Variants in CDKL5 observed in about 807,000 individuals in gnomAD.
The protein encoded by CDKL5 is cyclin dependent kinase like 5, also known as cyclin-dependent kinase-like 5.
CDKL5 carries 8 observed loss-of-function variants against 61.7 expected under a neutral mutation model. The ratio of observed to expected loss-of-function variants is 0.13; its 90% CI spans 0.08 to 0.23. The LOEUF (loss-of-function observed/expected upper bound fraction) is 0.23. Ranked by LOEUF, CDKL5 falls within the 10% of genes least tolerant of loss-of-function variation. The pLI is 1.00. For missense variants in CDKL5, 440 were observed against 734.5 expected (o/e 0.60, Z 4.63); for synonymous variants, 275 against 272.3 (o/e 1.01, Z -0.10).
chrX:18,462,910 G>A (rs1854833975), intron 1 of CDKL5, among the ~76,000 whole-genome samples: 2 of 110,799 alleles, frequency 1.8e-5, no homozygotes, highest in South Asian at 7.7e-4. Flanking sequence ...TGTAATCCCA[G>A]CTACTCAGGA....
intron 13 of CDKL5, among the ~76,000 whole-genome samples, chrX:18,609,222 A>G (rs1926461553): frequency 9.0e-6 from 1 of 110,702 alleles, no homozygotes. Context: ...GCAAGACCCC[A>G]TCTCTACAAA....
intron 3 of CDKL5, among the ~76,000 whole-genome samples, chrX:18,529,564 A>C (rs1324670831): frequency 9.0e-6 from 1 of 111,176 alleles, no homozygotes; most frequent in African/African-American, 3.3e-5. Context: ...ACTGGTGACA[A>C]ATTCACTCAG....
chrX:18,504,659 C>T (rs900672629), intron 1 of CDKL5, among the ~76,000 whole-genome samples: 4 of 111,435 alleles, frequency 3.6e-5, no homozygotes, highest in African/African-American at 6.5e-5. Flanking sequence ...TGGCCGGGCG[C>T]GGTGGCTCAC....
rs1034663487 is a variant in CDKL5, at chrX:18,639,642, T to C, written c.*10885T>C. 8.9e-6 allele frequency among the ~76,000 whole-genome samples: 1 copy of C among 112,287 alleles called. No individual in the cohort carries two copies. The highest frequency in any genetic ancestry group is 3.2e-5 in the African/African-American group (1 of 30,858). Reference sequence around the variant, plus strand: ...CTGTGTGTCCCAGCAGTTTTACTCCTAAGTATATACCCAAGATAAATGAAA... The same window carrying C: ...CTGTGTGTCCCAGCAGTTTTACTCCCAAGTATATACCCAAGATAAATGAAA... On this transcript the variant is annotated 3_prime_UTR_variant, in exon 18 of 18. Transcript: ENST00000623535.
rs1216853693 is a variant in CDKL5, at chrX:18,613,132, C to T, written c.2153-20C>T. On this transcript the variant is annotated intron_variant, in intron 14 of 17. Transcript: ENST00000623535. ...AAAAAAAAGAAAAGTCCATCAGTGA[C>T]TTACTTTTTCTTTATTCAGTGCCAT... The T allele has an allele frequency of 2.3e-6, 2 of 854,181 alleles. No individual in the cohort carries two copies. Among genetic ancestry groups the T allele is most frequent in the Non-Finnish European group, 3.3e-6 (2 of 603,908 alleles). The allele number at this position is 854,181 out of a possible 1,213,427, so 70.4% of individuals were successfully genotyped here. A position where few individuals can be genotyped will look rare whatever the true frequency, so the allele number is the denominator to read the frequency against.
At chrX:18,557,407 G>T (rs1602259559) in intron 3 of CDKL5, among the ~76,000 whole-genome samples, 1 of 111,906 alleles carries the variant, frequency 8.9e-6, no homozygotes, top group East Asian at 2.8e-4. Flanking sequence ...TTATGTCAGG[G>T]ATGAGCATCC....
chrX:18,547,809 A>G (rs1294793293), intron 3 of CDKL5, among the ~76,000 whole-genome samples: 1 of 112,231 alleles, frequency 8.9e-6, no homozygotes, highest in Admixed American at 9.5e-5. Flanking sequence ...ATGTAAGACA[A>G]ACTAGACACA....
chrX:18,553,916 T>A (rs1924496827), intron 3 of CDKL5, among the ~76,000 whole-genome samples: 1 of 111,495 alleles, frequency 9.0e-6, no homozygotes, highest in Non-Finnish European at 1.9e-5. Context: ...TAATGCTTTC[T>A]AAATTATAAG....
chrX:18,562,793 G>C (rs1166533640), intron 3 of CDKL5, among the ~76,000 whole-genome samples: 1 of 111,617 alleles, frequency 9.0e-6, no homozygotes, highest in Non-Finnish European at 1.9e-5. Flanking sequence ...GAGTTTTGAG[G>C]AGAGAGGATT....
At chrX:18,561,573 A>T (rs1017078523) in intron 3 of CDKL5, among the ~76,000 whole-genome samples, 1 of 111,455 alleles carries the variant, frequency 9.0e-6, no homozygotes, top group African/African-American at 3.2e-5. Flanking sequence ...TTAATTTAAA[A>T]CAGTTTAAGG....
At chrX:18,598,179 T>A (rs919474633) in intron 10 of CDKL5, among the ~76,000 whole-genome samples, 10 of 111,395 alleles carry the variant, frequency 9.0e-5, no homozygotes, top group Non-Finnish European at 1.3e-4. Flanking sequence ...AAAGTGATTT[T>A]GATTAATGAT....
At chrX:18,443,714 C>T (rs1020066096) in intron 1 of CDKL5, 1 of 111,772 alleles carries the variant, frequency 8.9e-6, no homozygotes, top group African/African-American at 3.3e-5. Flanking sequence ...GCTCCTCTCC[C>T]TCCTCCCATC....
intron 1 of CDKL5, among the ~76,000 whole-genome samples, chrX:18,454,557 G>A (rs1000814672): frequency 9.6e-6 from 1 of 103,983 alleles, no homozygotes; most frequent in Non-Finnish European, 2.0e-5. Flanking sequence ...TTGATTACCA[G>A]TATTTGTTTG....
chrX:18,567,221 T>C (rs191625076), intron 4 of CDKL5, among the ~76,000 whole-genome samples: 93 of 111,810 alleles, frequency 8.3e-4, no homozygotes, highest in African/African-American at 3.0e-3. Context: ...ATAGTCTCAT[T>C]CAGGTAAGGA....
In CDKL5 at chrX:18,559,830, G is replaced by T. The variant is rs1266085269; in HGVS notation, c.100-4647G>T. On this transcript the variant is annotated intron_variant, in intron 3 of 17. Transcript: ENST00000623535. ...CCCAGAGTGTGATGTTCCCCTTCCTGTGTCCATGTGTTCTCATTGTTCAGT... is the reference window on the plus strand; with the variant it reads ...CCCAGAGTGTGATGTTCCCCTTCCTTTGTCCATGTGTTCTCATTGTTCAGT... 6.9e-5 allele frequency among the ~76,000 whole-genome samples: 6 copies of T among 86,629 alleles called. No homozygotes were observed. The Admixed American group carries it at 8.0e-4, about 12-fold the overall frequency. The allele number at this position is 86,629 out of a possible 115,157, so 75.2% of individuals were successfully genotyped here.
intron 3 of CDKL5, among the ~76,000 whole-genome samples, chrX:18,544,405 T>G (rs747579697): frequency 4.4e-5 from 5 of 112,572 alleles, no homozygotes; most frequent in African/African-American, 1.3e-4. Context: ...GTGATACTGT[T>G]TTTTTAACTC....
chrX:18,598,220 G>T (rs960063285), intron 10 of CDKL5, among the ~76,000 whole-genome samples: 4 of 110,904 alleles, frequency 3.6e-5, no homozygotes, highest in Non-Finnish European at 7.6e-5. Context: ...TGTATATTTT[G>T]TAAAAGAAAA....
intron 1 of CDKL5, among the ~76,000 whole-genome samples, chrX:18,468,900 G>T (rs916173670): frequency 5.4e-5 from 6 of 111,404 alleles, no homozygotes; most frequent in African/African-American, 2.0e-4. Context: ...CTTGAATATA[G>T]TAGGCTAACT....
intron 3 of CDKL5, among the ~76,000 whole-genome samples, chrX:18,544,453 T>A (rs964757485): frequency 8.9e-6 from 1 of 112,199 alleles, no homozygotes; most frequent in African/African-American, 3.2e-5. Flanking sequence ...TCTTCTCATT[T>A]AATCCTAATA....
Sources: allele counts gnomAD v4.1 joint callset (sites outside exome capture counted in the v4.1 genomes callset), GRCh38; gene constraint gnomAD v4.1.1; transcripts MANE v1.5; gene names NCBI Gene and HGNC (gene_info 2026-07-23, HGNC 2026-07-21).